Variants in TENM2 observed in about 807,000 individuals in gnomAD.
The protein encoded by TENM2 is teneurin transmembrane protein 2.
In TENM2, 52 loss-of-function variants were observed where a neutral mutation model predicts 245.2. That is an observed-to-expected ratio of 0.21 (90% CI 0.17 to 0.27). The LOEUF (loss-of-function observed/expected upper bound fraction) is 0.27. Ranked by LOEUF, TENM2 falls within the 10% of genes least tolerant of loss-of-function variation. The pLI is 1.00. For missense variants in TENM2, 3,046 were observed against 3,666.8 expected, an observed-to-expected ratio of 0.83 and a Z score of 4.37; for synonymous variants, 1,363 against 1,438.9, an observed-to-expected ratio of 0.95 and a Z score of 1.19.
At chr5:167,618,006 C>T (rs1777901425) in intron 2 of TENM2, among the ~76,000 whole-genome samples, 1 of 152,142 alleles carries the variant, frequency 6.6e-6, no homozygotes, top group African/African-American at 2.4e-5. Context: ...GTCATTGCTT[C>T]AGTATGGTGC....
chr5:168,066,754 G>A (rs1247029751), intron 7 of TENM2, among the ~76,000 whole-genome samples: 1 of 152,158 alleles, frequency 6.6e-6, no homozygotes, highest in Non-Finnish European at 1.5e-5. Flanking sequence ...TTATGGGGAT[G>A]GTATGTGTAC....
At chr5:167,626,624 CTTT>C (rs1213812224) in intron 2 of TENM2, among the ~76,000 whole-genome samples, 1 of 152,108 alleles carries the variant, frequency 6.6e-6, no homozygotes, top group East Asian at 1.9e-4. Context: ...GAATTGTGTG[CTTT>C]TTTAAGTTCG....
At chr5:167,375,037 A>G (rs1419862152) in intron 1 of TENM2, among the ~76,000 whole-genome samples, 161 bp from the exon 4 acceptor site, 1 of 152,184 alleles carries the variant, frequency 6.6e-6, no homozygotes, top group Non-Finnish European at 1.5e-5. Context: ...AAGGTATCCC[A>G]CTGTCCTGAA....
At chr5:167,784,344 A>G (rs1028410758) in intron 2 of TENM2, among the ~76,000 whole-genome samples, 1 of 152,238 alleles carries the variant, frequency 6.6e-6, no homozygotes, top group African/African-American at 2.4e-5. Flanking sequence ...TGATTAACAC[A>G]GAGCCTAGTC....
the TENM2 span, among the ~76,000 whole-genome samples, chr5:167,137,357 A>G: frequency 6.6e-6 from 1 of 152,216 alleles, no homozygotes; most frequent in Non-Finnish European, 1.5e-5. Context: ...CTTATGATAC[A>G]TTTCATAAGA....
the TENM2 span, among the ~76,000 whole-genome samples, chr5:167,161,832 C>T: frequency 2.0e-5 from 3 of 152,068 alleles, no homozygotes; most frequent in Admixed American, 1.3e-4. Context: ...AATAGGGAGT[C>T]GTTCATACCT....
intron 2 of TENM2, among the ~76,000 whole-genome samples, chr5:167,446,999 A>G (rs555717584): frequency 3.2e-4 from 48 of 152,336 alleles, no homozygotes; most frequent in African/African-American, 1.1e-3. Context: ...AATGCTCCAA[A>G]TGAGGGTTCC....
chr5:167,849,112 C>G (rs1342046345), intron 2 of TENM2, among the ~76,000 whole-genome samples: 1 of 152,130 alleles, frequency 6.6e-6, no homozygotes, highest in Non-Finnish European at 1.5e-5. Flanking sequence ...TCTGGGGACA[C>G]CATGGGAGAA....
chr5:168,242,105 G>A (rs1405966627), intron 25 of TENM2, among the ~76,000 whole-genome samples: 3 of 152,144 alleles, frequency 2.0e-5, no homozygotes, highest in Non-Finnish European at 4.4e-5. Context: ...AAGGAGGAAA[G>A]GGAAGAATTA....
the TENM2 span, among the ~76,000 whole-genome samples, chr5:167,142,957 G>A: frequency 6.6e-6 from 1 of 152,170 alleles, no homozygotes; most frequent in Admixed American, 6.5e-5. Context: ...CATTGAGTTT[G>A]GCAGTAGCCT....
the TENM2 span, among the ~76,000 whole-genome samples, chr5:167,004,794 ATGTCAGAGAAGAGCTTTTCTTCAAC>A: frequency 3.3e-5 from 5 of 152,168 alleles, 1 homozygote; most frequent in Non-Finnish European, 7.3e-5. Flanking sequence ...ACGTTATTGA[ATGTCAGAGAAGAGCTTTTCTTCAAC>A]TGTGCAGCGT....
At chr5:168,193,258 T>C (rs1214752779) in intron 14 of TENM2, among the ~76,000 whole-genome samples, 2 of 152,226 alleles carry the variant, frequency 1.3e-5, no homozygotes, top group Non-Finnish European at 2.9e-5. Flanking sequence ...TGAATTCCAG[T>C]ACATTATCAT....
At chr5:168,214,950 C>T (rs1581653865) in intron 20 of TENM2, 90 bp from the exon 23 acceptor site, 5 of 1,000,266 alleles carry the variant, frequency 5.0e-6, no homozygotes, top group East Asian at 5.0e-5. Context: ...AGAAGGTAAG[C>T]GTCTTGCTAG....
At chr5:167,161,473 G>A in the TENM2 span, among the ~76,000 whole-genome samples, 9 of 152,178 alleles carry the variant, frequency 5.9e-5, no homozygotes, top group Non-Finnish European at 1.3e-4. Flanking sequence ...TTAGAAAGCC[G>A]AAGTTAAAGA....
At chr5:167,978,432 T>C (rs1338643805) in intron 4 of TENM2, among the ~76,000 whole-genome samples, 1 of 152,040 alleles carries the variant, frequency 6.6e-6, no homozygotes, top group Non-Finnish European at 1.5e-5. Flanking sequence ...CAAAAGGAAA[T>C]AGTATTCCAA....
At chr5:167,071,809 G>A in the TENM2 span, among the ~76,000 whole-genome samples, 17 of 151,974 alleles carry the variant, frequency 1.1e-4, no homozygotes, top group Non-Finnish European at 2.1e-4. Context: ...GCTTATTAGT[G>A]AAGGAGATAT....
chr5:167,801,905 GAC>G (rs10643504), intron 2 of TENM2, among the ~76,000 whole-genome samples: 2,982 of 149,362 alleles, frequency 0.02, 109 homozygotes, highest in African/African-American at 0.069. Flanking sequence ...CACACACACA[GAC>G]ACACACACAC....
intron 5 of TENM2, among the ~76,000 whole-genome samples, chr5:168,039,078 C>G (rs1218892545): frequency 6.6e-6 from 1 of 152,144 alleles, no homozygotes; most frequent in Admixed American, 6.5e-5. Context: ...CACTCTGACC[C>G]CCTTGCCTCT....
At chr5:166,987,420 G>GGTGTGTGT in the TENM2 span, among the ~76,000 whole-genome samples, 5 of 147,190 alleles carry the variant, frequency 3.4e-5, no homozygotes, top group Middle Eastern at 3.5e-3. Flanking sequence ...GTTTAGTAAG[G>GGTGTGTGT]GTGTGTGTGT....
Sources: allele counts gnomAD v4.1 joint callset (sites outside exome capture counted in the v4.1 genomes callset), GRCh38; gene constraint gnomAD v4.1.1; transcripts MANE v1.5; gene names NCBI Gene and HGNC (gene_info 2026-07-23, HGNC 2026-07-21).